SHISA6: variants seen among roughly 807,000 people sequenced by gnomAD.
SHISA6 encodes protein shisa-6.
Under a neutral mutation model 47.9 loss-of-function variants are expected in SHISA6, and 22 were observed. The observed-to-expected ratio is 0.46, with a 90% CI of 0.33 to 0.66. The LOEUF (loss-of-function observed/expected upper bound fraction) is 0.66, where lower values mean the gene tolerates loss of function less well. Among genes scored for constraint, SHISA6 ranks in the 30% least tolerant of loss-of-function variants. The probability of loss-of-function intolerance (pLI) is 0.02; values close to 1 mark genes in which losing one functional copy is unlikely to be tolerated. For synonymous variants in SHISA6, 388 were observed against 337.8 expected (o/e 1.15, Z -1.63); for missense variants, 680 against 764.6 (o/e 0.89, Z 1.30).
At chr17:11,463,391 GT>G (rs35081646) in intron 3 of SHISA6, among the ~76,000 whole-genome samples, 1 of 152,032 alleles carries the variant, frequency 6.6e-6, no homozygotes, top group Non-Finnish European at 1.5e-5. Flanking sequence ...CTTTTAAAAG[GT>G]TTTTTTAAAG....
chr17:11,439,260 AG>A lies in SHISA6; in HGVS notation c.895+59756del, dbSNP rs370749467. 1.3e-4 allele frequency among the ~76,000 whole-genome samples: 20 copies of A among 152,320 alleles called. 1 individual carries two copies. The East Asian group carries it at 3.5e-3, about 26-fold the overall frequency. On this transcript the variant is annotated intron_variant, in intron 3 of 5. Coordinates refer to ENST00000441885, the MANE Select transcript of SHISA6 (RefSeq NM_207386.4). Reference sequence around the variant, plus strand: ...GAAGAGGAATGCATAGATGCGGTCAAGGGGGTCGGAGGACTCTGGGTGGGTC... The same window carrying A: ...GAAGAGGAATGCATAGATGCGGTCAAGGGGTCGGAGGACTCTGGGTGGGTC...
chr17:11,262,463 A>G (rs1758227815), intron 1 of SHISA6, among the ~76,000 whole-genome samples: 2 of 152,176 alleles, frequency 1.3e-5, no homozygotes, highest in African/African-American at 4.8e-5. Flanking sequence ...GCCAGTGGGT[A>G]TCTCACATGT....
chr17:11,466,796 T>A (rs1045523051), intron 3 of SHISA6, among the ~76,000 whole-genome samples: 4 of 152,186 alleles, frequency 2.6e-5, no homozygotes, highest in Non-Finnish European at 5.9e-5. Context: ...GGCAATTGCC[T>A]CCCACGGGGA....
chr17:11,370,652 ATCT>A (rs1470058228), intron 2 of SHISA6, among the ~76,000 whole-genome samples: 3 of 151,974 alleles, frequency 2.0e-5, no homozygotes, highest in Admixed American at 6.6e-5. Context: ...ATCTGATGAG[ATCT>A]TCTGCTTTCT....
chr17:11,481,631 T>C (rs533613571), intron 3 of SHISA6, among the ~76,000 whole-genome samples: 138 of 151,894 alleles, frequency 9.1e-4, no homozygotes, highest in Non-Finnish European at 1.5e-3. Context: ...TAGCTGGGAC[T>C]ACAGGCGCAC....
At chr17:11,507,142 T>C (rs1260174270) in intron 3 of SHISA6, among the ~76,000 whole-genome samples, 1 of 152,222 alleles carries the variant, frequency 6.6e-6, no homozygotes, top group South Asian at 2.1e-4. Flanking sequence ...ACCACATTAG[T>C]ATCTCATAAA....
chr17:11,563,070 T>A lies in SHISA6; in HGVS notation c.*4766T>A, dbSNP rs1248050187. On this transcript the variant is annotated 3_prime_UTR_variant, in exon 6 of 6. Transcript: ENST00000441885. ...AGTTTCCATTTGGATACGGTCCTTA[T>A]AGCTGGAGGGAGGCGGTTCCAATTT... The A allele has an allele frequency of 1.3e-5, 2 of 152,390 alleles. No homozygotes were observed. The highest frequency in any genetic ancestry group is 4.8e-5 in the African/African-American group (2 of 41,456). 9.4% of individuals were successfully genotyped at this position (152,390 alleles called of 1,614,324 possible). A position where few individuals can be genotyped will look rare whatever the true frequency, so the allele number is the denominator to read the frequency against.
chr17:11,526,288 CCT>C lies in SHISA6; in HGVS notation c.896-25605_896-25604del, dbSNP rs528928172. 4.8e-3 allele frequency among the ~76,000 whole-genome samples: 732 copies of C among 152,240 alleles called. 1 individual carries two copies. The highest frequency in any genetic ancestry group is 8.3e-3 in the Non-Finnish European group (563 of 68,016). Reference sequence around the variant, plus strand: ...GATTGCATTCCTGGGCAGTGCAAATCCTCTGTTTTGTAATAAACAATGAATCT... The same window carrying C: ...GATTGCATTCCTGGGCAGTGCAAATCCTGTTTTGTAATAAACAATGAATCT... On this transcript the variant is annotated intron_variant, in intron 3 of 5. Coordinates refer to ENST00000441885, the MANE Select transcript of SHISA6 (RefSeq NM_207386.4).
At chr17:11,328,354 G>A (rs1453511775) in intron 2 of SHISA6, among the ~76,000 whole-genome samples, 5 of 152,266 alleles carry the variant, frequency 3.3e-5, no homozygotes, top group Non-Finnish European at 5.9e-5. Flanking sequence ...GGGGTGATTC[G>A]GAGCCACAGC....
intron 2 of SHISA6, among the ~76,000 whole-genome samples, chr17:11,272,041 C>G (rs978704659): frequency 2.0e-5 from 3 of 152,154 alleles, no homozygotes; most frequent in Non-Finnish European, 4.4e-5. Flanking sequence ...GCTGCCTCTC[C>G]TTCAGCTCCC....
intron 3 of SHISA6, among the ~76,000 whole-genome samples, chr17:11,482,392 G>T (rs563921745): frequency 6.6e-6 from 1 of 152,326 alleles, no homozygotes; most frequent in South Asian, 2.1e-4. Flanking sequence ...CTACACAGTG[G>T]AGGGGAAGGT....
intron 2 of SHISA6, among the ~76,000 whole-genome samples, chr17:11,277,250 TCTCTC>T: frequency 1.6e-5 from 1 of 64,174 alleles, no homozygotes; most frequent in Non-Finnish European, 2.9e-5. Flanking sequence ...TTTCTCTCTC[TCTCTC>T]TCTCTCTCTC....
chr17:11,382,441 G>A (rs1356075116), intron 3 of SHISA6, among the ~76,000 whole-genome samples: 1 of 152,092 alleles, frequency 6.6e-6, no homozygotes, highest in Non-Finnish European at 1.5e-5. Context: ...CTCTGGAAAA[G>A]GGCAAGGAAC....
At chr17:11,368,093 C>T (rs1254390939) in intron 2 of SHISA6, among the ~76,000 whole-genome samples, 9 of 152,178 alleles carry the variant, frequency 5.9e-5, no homozygotes, top group Admixed American at 5.9e-4. Flanking sequence ...TCCCACAAGA[C>T]GCTCTATACA....
In SHISA6 at chr17:11,409,194, C is replaced by G. The variant is rs141105693; in HGVS notation, c.895+29685C>G. ...GCTTTTCTTTTTGAAGAAGCCAGTACAATTTCTAAAAGACACATACCTAAT... is the reference window on the plus strand; with the variant it reads ...GCTTTTCTTTTTGAAGAAGCCAGTAGAATTTCTAAAAGACACATACCTAAT... On this transcript the variant is annotated intron_variant, in intron 3 of 5. Transcript: ENST00000441885. 3.1e-3 allele frequency among the ~76,000 whole-genome samples: 468 copies of G among 152,262 alleles called. 2 individuals are homozygous for G. The highest frequency in any genetic ancestry group is 0.011 in the African/African-American group (445 of 41,558).
intron 3 of SHISA6, among the ~76,000 whole-genome samples, chr17:11,463,456 T>C (rs1915739894): frequency 6.6e-6 from 1 of 152,224 alleles, no homozygotes; most frequent in Non-Finnish European, 1.5e-5. Flanking sequence ...CTAACATTTA[T>C]AATGATTAAA....
rs147095760 is a variant in SHISA6 at position 11,278,881 on chromosome 17, A to T, written c.799+15355A>T. Among the ~76,000 whole-genome samples the T allele has an allele frequency of 2.4e-3, 370 of 152,326 alleles. 4 individuals are homozygous for T. The highest frequency in any genetic ancestry group is 6.8e-3 in the Middle Eastern group (2 of 294). On this transcript the variant is annotated intron_variant, in intron 2 of 5. Coordinates refer to ENST00000441885, the MANE Select transcript of SHISA6 (RefSeq NM_207386.4). ...ATTAAAGGAAATGGGGCCTCTGAGG[A>T]GGCGGGGCAGGGCAGGAAGGTGGAG...
intron 3 of SHISA6, among the ~76,000 whole-genome samples, chr17:11,515,698 G>C (rs528628373): frequency 3.9e-5 from 6 of 152,224 alleles, no homozygotes; most frequent in African/African-American, 9.6e-5. Flanking sequence ...GCTGACCAAA[G>C]CCTGCCTCCC....
rs1369909670 is a variant in SHISA6, at chr17:11,241,767, C to T, written c.345C>T (p.Ser115=). 2 of 1,548,542 alleles carry T rather than the reference C, an allele frequency of 1.3e-6. No individual in the cohort carries two copies. The highest frequency in any genetic ancestry group is 1.7e-6 in the Non-Finnish European group (2 of 1,146,962). The part of the protein sequence containing the change: ...DKEFECNNSE[S]GYLYCCGTCY... ...AGTTCGAGTGTAACAACAGCGAGAG[C>T]GGCTACCTGTACTGCTGCGGTACCT... Residue 115 remains serine, a synonymous_variant, in exon 1 of 6, where the codon AGC becomes AGT. Coordinates refer to ENST00000441885, the MANE Select transcript of SHISA6 (RefSeq NM_207386.4). The surrounding 1 kb of genome is among the most constrained non-coding windows in gnomAD (Gnocchi z 5.5).
Sources: allele counts gnomAD v4.1 joint callset (sites outside exome capture counted in the v4.1 genomes callset), GRCh38; gene constraint gnomAD v4.1.1; non-coding constraint Gnocchi (gnomAD v3.1); transcripts MANE v1.5; gene names NCBI Gene and HGNC (gene_info 2026-07-23, HGNC 2026-07-21).